The following WHRN variants were observed in gnomAD, a reference collection of about 807,000 sequenced individuals.
WHRN encodes the protein whirlin.
A neutral mutation model predicts 68.3 loss-of-function variants in WHRN; 41 were observed. The ratio of observed to expected loss-of-function variants is 0.60; its 90% CI spans 0.47 to 0.78. The LOEUF (loss-of-function observed/expected upper bound fraction) is 0.78, where lower values mean the gene tolerates loss of function less well. Among genes scored for constraint, WHRN ranks in the 30% least tolerant of loss-of-function variants. The pLI, the probability that WHRN is intolerant of heterozygous loss-of-function variation, is 0.00. For missense variants in WHRN, 1,243 were observed against 1,244.7 expected, an observed-to-expected ratio of 1.00 and a Z score of 0.02; for synonymous variants, 560 against 561.3, an observed-to-expected ratio of 1.00 and a Z score of 0.03.
chr9:114,449,686 T>C (rs1304873409), intron 3 of WHRN, among the ~76,000 whole-genome samples: 2 of 152,178 alleles, frequency 1.3e-5, no homozygotes, highest in Non-Finnish European at 2.9e-5. Flanking sequence ...ACTCAGCCTG[T>C]GGCAGGTTCT....
chr9:114,410,530 G>A (rs953048910), intron 7 of WHRN, among the ~76,000 whole-genome samples: 5 of 152,200 alleles, frequency 3.3e-5, no homozygotes, highest in South Asian at 4.1e-4. Flanking sequence ...GGTGGGGACA[G>A]AAGGCACTCC....
chr9:114,451,009 AT>A (rs2132708014), intron 3 of WHRN, among the ~76,000 whole-genome samples: 1 of 152,318 alleles, frequency 6.6e-6, no homozygotes, highest in African/African-American at 2.4e-5. Flanking sequence ...GACTCTTAGC[AT>A]TAGCTAACTA....
In WHRN at chr9:114,490,558, C is replaced by T. The variant is rs1842895119; in HGVS notation, c.619-11787G>A. Among the ~76,000 whole-genome samples the T allele has an allele frequency of 3.3e-4, 4 of 12,062 alleles. No homozygotes were observed. The Admixed American group carries it at 6.7e-3, about 20-fold the overall frequency. The allele number at this position is 12,062 out of a possible 152,430, so 7.9% of individuals were successfully genotyped here. ...AAGATATAAAAACCAACTGTTCATT[C>T]CTTCCACCCTCTTTTAAGAGTTTGA... On this transcript the variant is annotated intron_variant, in intron 1 of 11. Transcript: ENST00000362057.
At chr9:114,503,260 A>C in intron 1 of WHRN, 1 of 926,494 alleles carries the variant, frequency 1.1e-6, no homozygotes, top group Non-Finnish European at 1.3e-6. Flanking sequence ...ACCCCCTGAG[A>C]AGCATTTCTC....
intron 10 of WHRN, 83 bp downstream of exon 10, chr9:114,403,813 G>A (rs1564113204): frequency 7.8e-6 from 12 of 1,544,670 alleles, no homozygotes; most frequent in Middle Eastern, 2.0e-4. Context: ...TTGCCAAGCT[G>A]AGCCCTGGTC....
In WHRN at chr9:114,408,862, G is replaced by C. The variant is rs12236068; in HGVS notation, c.1627-844C>G. On this transcript the variant is annotated intron_variant, in intron 7 of 11. Coordinates refer to ENST00000362057, the MANE Select transcript of WHRN (RefSeq NM_015404.4). The stretch of plus-strand genomic sequence containing the variant: ...GCAAAACTCACCCTCCCCAATGTGG[G>C]TGGGCCTCATCCAATCCACTAAGGG... 2.4e-3 allele frequency among the ~76,000 whole-genome samples: 370 copies of C among 152,306 alleles called. 9 individuals are homozygous for C. The East Asian group carries it at 0.036, about 15-fold the overall frequency.
chr9:114,469,854 G>A (rs1376982171), intron 2 of WHRN, among the ~76,000 whole-genome samples: 1 of 152,330 alleles, frequency 6.6e-6, no homozygotes, highest in Middle Eastern at 3.4e-3. Flanking sequence ...AGGAGAACCC[G>A]CTTCCTTGCC....
chr9:114,485,645 T>C (rs754405299), intron 1 of WHRN, among the ~76,000 whole-genome samples: 7 of 151,962 alleles, frequency 4.6e-5, no homozygotes, highest in East Asian at 1.9e-4. Context: ...TGAGCCAAGA[T>C]TGCACCACTG....
At position 114,424,494 on chromosome 9, in the gene WHRN, C is replaced by T. The variant is rs764019960; in HGVS notation, c.1256G>A (p.Gly419Glu). 6.2e-7 allele frequency: 1 copy of T among 1,614,022 alleles called. No homozygotes were observed. The highest frequency in any genetic ancestry group is 8.5e-7 in the Non-Finnish European group (1 of 1,179,950). The change falls in exon 6 of 12, where the codon GGG becomes GAG. Residue 419 changes from glycine (G) to glutamate (E), a missense_variant. Transcript: ENST00000362057. ...CTCCAGCAGCACTCGTGTCTGGTTC[C>T]CCAGGCTGCTCAGGGTCACCTGGGA... Reference protein sequence around the residue: ...AGSQVTLSSLGNQTRVLLEEQ... With the variant: ...AGSQVTLSSLENQTRVLLEEQ...
chr9:114,488,735 T>C (rs911874956), intron 1 of WHRN, among the ~76,000 whole-genome samples: 6 of 152,184 alleles, frequency 3.9e-5, no homozygotes, highest in African/African-American at 1.4e-4. Context: ...CTTATTTTAA[T>C]GTCATGAGAA....
At chr9:114,467,683 G>T (rs1324769857) in intron 2 of WHRN, among the ~76,000 whole-genome samples, 1 of 152,166 alleles carries the variant, frequency 6.6e-6, no homozygotes, top group African/African-American at 2.4e-5. Flanking sequence ...GCAGATTCTA[G>T]AACGGTTCCT....
At chr9:114,461,922 G>A (rs1840278202) in intron 3 of WHRN, among the ~76,000 whole-genome samples, 1 of 152,092 alleles carries the variant, frequency 6.6e-6, no homozygotes, top group Admixed American at 6.5e-5. Flanking sequence ...TGTCTGTCTT[G>A]CTCAGAAGCT....
intron 7 of WHRN, among the ~76,000 whole-genome samples, chr9:114,416,401 G>A (rs1018772389): frequency 6.6e-6 from 1 of 152,220 alleles, no homozygotes; most frequent in Non-Finnish European, 1.5e-5. Context: ...ATGTTGAATT[G>A]TAATCCCCAG....
intron 3 of WHRN, among the ~76,000 whole-genome samples, chr9:114,461,521 C>T (rs1355104984): frequency 6.6e-6 from 1 of 152,214 alleles, no homozygotes; most frequent in Non-Finnish European, 1.5e-5. Context: ...CATTACATCT[C>T]CCGTGCAATC....
At chr9:114,408,120 C>G in intron 7 of WHRN, 102 bp from the exon 8 acceptor site, 2 of 873,698 alleles carry the variant, frequency 2.3e-6, no homozygotes. Context: ...AGGACACCTC[C>G]ATGTGGTTCA....
intron 1 of WHRN, among the ~76,000 whole-genome samples, chr9:114,480,347 TC>T (rs548197028): frequency 6.6e-5 from 10 of 152,152 alleles, no homozygotes; most frequent in Non-Finnish European, 8.8e-5. Context: ...TGAATGTATT[TC>T]CCTCCAGATC....
chr9:114,503,138 G>A, intron 1 of WHRN: 4 of 985,466 alleles, frequency 4.1e-6, no homozygotes, highest in Non-Finnish European at 4.8e-6. Flanking sequence ...GCACTCAGGA[G>A]GAAGTAGTCG....
Position 114,450,836 on chromosome 9 carries a change from C to A in WHRN, c.963+15431G>T, listed in dbSNP as rs537290710. ...TTATTATTATTAGTTTCCCCCCCCG[C>A]AAAAAAATACTTTCTGCTGAGATAC... On this transcript the variant is annotated intron_variant, in intron 3 of 11. Coordinates refer to ENST00000362057, the MANE Select transcript of WHRN (RefSeq NM_015404.4). Among the ~76,000 whole-genome samples, 397 of 149,876 alleles carry A rather than the reference C, an allele frequency of 2.6e-3. 3 individuals carry two copies. Among genetic ancestry groups the A allele is most frequent in the African/African-American group, 9.4e-3 (379 of 40,502 alleles).
intron 1 of WHRN, among the ~76,000 whole-genome samples, chr9:114,493,022 A>G (rs889376089): frequency 1.3e-5 from 2 of 151,936 alleles, no homozygotes; most frequent in African/African-American, 4.8e-5. Context: ...ATCTCAAAAA[A>G]AGAAAAACAA....
Sources: allele counts gnomAD v4.1 joint callset (sites outside exome capture counted in the v4.1 genomes callset), GRCh38; gene constraint gnomAD v4.1.1; transcripts MANE v1.5; gene names NCBI Gene and HGNC (gene_info 2026-07-23, HGNC 2026-07-21).